The following TIAM1 variants were observed in gnomAD, a reference collection of about 807,000 sequenced individuals.
The protein encoded by TIAM1 is rho guanine nucleotide exchange factor TIAM1.
TIAM1 carries 65 observed loss-of-function variants against 163.5 expected under a neutral mutation model. The ratio of observed to expected loss-of-function variants is 0.40; its 90% CI spans 0.33 to 0.49. The LOEUF (loss-of-function observed/expected upper bound fraction) is 0.49. TIAM1 is among the 20% of genes least tolerant of loss of function. The pLI is 0.77. For missense variants in TIAM1, 1,789 were observed against 2,044.7 expected, an observed-to-expected ratio of 0.87 and a Z score of 2.41; for synonymous variants, 833 against 810.1, an observed-to-expected ratio of 1.03 and a Z score of -0.48.
intron 6 of TIAM1, among the ~76,000 whole-genome samples, chr21:31,239,518 C>T (rs1306590774): frequency 6.6e-6 from 1 of 152,094 alleles, no homozygotes; most frequent in East Asian, 1.9e-4. Flanking sequence ...AAGCATTACC[C>T]ATTAAGGAAG....
intron 2 of TIAM1, among the ~76,000 whole-genome samples, chr21:31,285,683 A>T (rs1488843309): frequency 6.6e-6 from 1 of 152,138 alleles, no homozygotes; most frequent in African/African-American, 2.4e-5. Flanking sequence ...CAACATGGTG[A>T]AACCCTGTCT....
At chr21:31,519,063 CT>C (rs1363366405) in intron 1 of TIAM1, among the ~76,000 whole-genome samples, 1 of 152,076 alleles carries the variant, frequency 6.6e-6, no homozygotes, top group Non-Finnish European at 1.5e-5. Context: ...AATCCCAGCA[CT>C]TTGGGAGGCT....
At chr21:31,247,526 C>T (rs991657202) in intron 5 of TIAM1, among the ~76,000 whole-genome samples, 3 of 151,876 alleles carry the variant, frequency 2.0e-5, no homozygotes, top group Non-Finnish European at 4.4e-5. Context: ...TCCCAAATAG[C>T]TGGAACTACA....
chr21:31,236,235 T>G (rs2088746012), intron 6 of TIAM1, among the ~76,000 whole-genome samples: 2 of 152,192 alleles, frequency 1.3e-5, no homozygotes, highest in African/African-American at 4.8e-5. Flanking sequence ...TGACAGTTGA[T>G]CCGGAGTGAG....
intron 6 of TIAM1, among the ~76,000 whole-genome samples, chr21:31,243,319 A>C (rs186201357): frequency 7.3e-4 from 110 of 150,204 alleles, no homozygotes; most frequent in African/African-American, 2.6e-3. Context: ...AGTTGGAAGA[A>C]AAAAGAATCA....
intron 4 of TIAM1, among the ~76,000 whole-genome samples, chr21:31,263,197 C>T (rs1348548386): frequency 6.6e-6 from 1 of 152,178 alleles, no homozygotes; most frequent in Non-Finnish European, 1.5e-5. Flanking sequence ...TTTATACGCT[C>T]CACAAGAGGT....
At chr21:31,468,058 C>T (rs1459293252) in intron 1 of TIAM1, among the ~76,000 whole-genome samples, 2 of 150,106 alleles carry the variant, frequency 1.3e-5, no homozygotes, top group Non-Finnish European at 3.0e-5. Context: ...CATTGCACTC[C>T]ACCCTGGGCG....
At chr21:31,459,930 C>G (rs746824131) in intron 2 of TIAM1, among the ~76,000 whole-genome samples, 8 of 152,184 alleles carry the variant, frequency 5.3e-5, no homozygotes, top group Non-Finnish European at 1.2e-4. Context: ...GCCTGAGGTT[C>G]CATTATCTTC....
chr21:31,528,938 T>G (rs1432314272), intron 1 of TIAM1, among the ~76,000 whole-genome samples: 1 of 110,656 alleles, frequency 9.0e-6, no homozygotes, highest in Non-Finnish European at 1.9e-5. Flanking sequence ...TCTTTTTTTT[T>G]TTTTTGAGAC....
chr21:31,347,768 C>A (rs1453682280), upstream of TIAM1, among the ~76,000 whole-genome samples: 1 of 146,418 alleles, frequency 6.8e-6, no homozygotes, highest in Non-Finnish European at 1.5e-5. Flanking sequence ...AACCCTGACA[C>A]CCTTATGCAC....
chr21:31,426,999 C>T (rs1410764891), intron 2 of TIAM1, among the ~76,000 whole-genome samples: 17 of 152,118 alleles, frequency 1.1e-4, no homozygotes, highest in Admixed American at 1.1e-3. Context: ...TATCTCATTG[C>T]AGCCTCCAAC....
intron 2 of TIAM1, among the ~76,000 whole-genome samples, chr21:31,442,064 T>TAAAAAAAAA (rs1250832519): frequency 0.019 from 1,616 of 84,664 alleles, 122 homozygotes; most frequent in African/African-American, 0.078. Flanking sequence ...TCAGAACAAA[T>TAAAAAAAAA]AAATAAATAT....
chr21:31,165,949 A>C (rs181872032), intron 15 of TIAM1, among the ~76,000 whole-genome samples: 3 of 152,284 alleles, frequency 2.0e-5, no homozygotes, highest in Admixed American at 6.5e-5. Context: ...TTCCTTTGCT[A>C]TTTACTGAGT....
At chr21:31,177,676 C>T (rs534404934) in intron 15 of TIAM1, among the ~76,000 whole-genome samples, 3 of 152,334 alleles carry the variant, frequency 2.0e-5, no homozygotes, top group South Asian at 2.1e-4. Flanking sequence ...CCCTAATCTT[C>T]GCCACTAGGC....
chr21:31,229,334 G>A (rs775318907), intron 6 of TIAM1, among the ~76,000 whole-genome samples: 4 of 152,026 alleles, frequency 2.6e-5, no homozygotes, highest in Admixed American at 6.6e-5. Flanking sequence ...CTGTGTATAC[G>A]TTAAACTATC....
At chr21:31,337,526 T>TATTATTATTATTATC (rs2075882396) in intron 2 of TIAM1, among the ~76,000 whole-genome samples, 1 of 150,156 alleles carries the variant, frequency 6.7e-6, no homozygotes, top group South Asian at 2.1e-4. Context: ...TTGTTATTAT[T>TATTATTATTATTATC]ATTATTATTA....
chr21:31,278,132 C>A lies in TIAM1; in HGVS notation c.-188-1224G>T, dbSNP rs1253647071. ...ACCCTCAGTTATTCTCAAAGTAGTG[C>A]TGTATTTATAACAAACATTGAAGAA... On this transcript the variant is annotated intron_variant, in intron 2 of 27. Coordinates refer to ENST00000541036, the MANE Select transcript of TIAM1 (RefSeq NM_001353694.2). Among the ~76,000 whole-genome samples the A allele has an allele frequency of 2.0e-5, 3 of 152,164 alleles. No individual in the cohort carries two copies. The East Asian group carries it at 5.8e-4, about 29-fold the overall frequency.
intron 1 of TIAM1, among the ~76,000 whole-genome samples, chr21:31,493,907 T>C (rs1007142033): frequency 4.8e-5 from 7 of 145,618 alleles, no homozygotes; most frequent in Admixed American, 2.0e-4. Context: ...TGGGCAGGAA[T>C]TAGATCTATT....
intron 1 of TIAM1, among the ~76,000 whole-genome samples, chr21:31,481,007 A>G (rs932582031): frequency 3.9e-5 from 6 of 152,170 alleles, no homozygotes; most frequent in African/African-American, 1.4e-4. Context: ...CCACCACTTC[A>G]GGCTCCCAAA....
Sources: allele counts gnomAD v4.1 joint callset (sites outside exome capture counted in the v4.1 genomes callset), GRCh38; gene constraint gnomAD v4.1.1; transcripts MANE v1.5; gene names NCBI Gene and HGNC (gene_info 2026-07-23, HGNC 2026-07-21).